TNNT3: variants seen among roughly 807,000 people sequenced by gnomAD.
TNNT3 encodes troponin T, fast skeletal muscle.
In TNNT3, 36 loss-of-function variants were observed where a neutral mutation model predicts 54.2. The observed-to-expected ratio is 0.66, with a 90% CI of 0.51 to 0.88. The LOEUF is 0.88. TNNT3 is among the 40% of genes least tolerant of loss of function. The pLI is 0.00. For synonymous variants in TNNT3, 120 were observed against 109.7 expected, an observed-to-expected ratio of 1.09 and a Z score of -0.59; for missense variants, 291 against 331.6, an observed-to-expected ratio of 0.88 and a Z score of 0.95.
chr11:1,933,810 G>A lies in TNNT3; in HGVS notation c.261G>A (p.Glu87=), dbSNP rs1589984265. The change falls in exon 10 of 16, where the codon GAG becomes GAA. Residue 87 remains glutamate (E), a synonymous_variant. Transcript: ENST00000278317. ...SHFEARKKEE[E]ELVALKERIE... ...TTGAAGCCCGGAAGAAGGAGGAGGA[G>A]GAGCTGGTCGCTCTCAAAGAGAGAA... is the stretch of plus-strand genomic sequence containing the variant. The A allele has an allele frequency of 5.0e-6, 8 of 1,612,870 alleles. No homozygotes were observed. The highest frequency in any genetic ancestry group is 6.8e-6 in the Non-Finnish European group (8 of 1,179,902).
chr11:1,938,213 C>T (rs932074604), intron 15 of TNNT3: 23 of 593,290 alleles, frequency 3.9e-5, no homozygotes, highest in African/African-American at 1.5e-4. Context: ...GAGGGTGCCC[C>T]GGGCTCACGT....
chr11:1,919,959 G>A (rs1849717112), intron 1 of TNNT3, among the ~76,000 whole-genome samples, 197 bp downstream of exon 1: 1 of 152,236 alleles, frequency 6.6e-6, no homozygotes, highest in East Asian at 1.9e-4. Flanking sequence ...AGTCTGGGAT[G>A]CGGACATGGT....
chr11:1,931,460 T>C (rs1411115593), intron 8 of TNNT3, among the ~76,000 whole-genome samples: 2 of 152,256 alleles, frequency 1.3e-5, no homozygotes, highest in Non-Finnish European at 2.9e-5. Context: ...TGCTTTTACA[T>C]TGCAGCCTCT....
rs575821672 is a variant in TNNT3 at position 1,923,456 on chromosome 11, C to T, written c.32-99C>T. 56 of 1,342,460 alleles carry T rather than the reference C, an allele frequency of 4.2e-5. No individual in the cohort carries two copies. In the East Asian group the frequency reaches 1.1e-3, roughly 25 times the overall value. 83.2% of individuals were successfully genotyped at this position (1,342,460 alleles called of 1,614,324 possible). On this transcript the variant is annotated intron_variant, in intron 3 of 15. Transcript: ENST00000278317. Reference sequence around the variant, plus strand: ...GCTCTTGGGCAGGGGCAGTCGCTGGCCTGTCCAGGGCCGGGACACACTGGC... The same window carrying T: ...GCTCTTGGGCAGGGGCAGTCGCTGGTCTGTCCAGGGCCGGGACACACTGGC...
chr11:1,930,077 G>A (rs1165088989), intron 8 of TNNT3, among the ~76,000 whole-genome samples: 1 of 152,232 alleles, frequency 6.6e-6, no homozygotes, highest in East Asian at 1.9e-4. Flanking sequence ...AGGGATGAGG[G>A]TCACCTGGGA....
At chr11:1,929,496 C>T (rs1179162700) in intron 7 of TNNT3, among the ~76,000 whole-genome samples, 1 of 152,238 alleles carries the variant, frequency 6.6e-6, no homozygotes, top group African/African-American at 2.4e-5. Flanking sequence ...CCTCTTTGCT[C>T]CGTCTCCTCC....
chr11:1,937,414 AGC>A (rs1397987241), intron 15 of TNNT3, among the ~76,000 whole-genome samples: 21 of 152,184 alleles, frequency 1.4e-4, no homozygotes, highest in African/African-American at 5.1e-4. Flanking sequence ...CAGGGAATTA[AGC>A]AGTCAGGGCT....
intron 7 of TNNT3, among the ~76,000 whole-genome samples, chr11:1,929,428 G>A (rs1285494770): frequency 2.6e-5 from 4 of 152,080 alleles, no homozygotes; most frequent in Non-Finnish European, 4.4e-5. Context: ...GGCCGGGCAC[G>A]CCCCCCTCCC....
intron 1 of TNNT3, among the ~76,000 whole-genome samples, chr11:1,921,886 G>A (rs1431226432): frequency 6.6e-6 from 1 of 152,226 alleles, no homozygotes; most frequent in Non-Finnish European, 1.5e-5. Flanking sequence ...CGCCCAGTGT[G>A]CACGGTGGCC....
rs1243950466 is a variant in TNNT3 at position 1,929,130 on chromosome 11, G to A, written c.93G>A (p.Glu31=). 2 of 1,613,060 alleles carry A rather than the reference G, an allele frequency of 1.2e-6. No homozygotes were observed. Among genetic ancestry groups the A allele is most frequent in the Non-Finnish European group, 1.7e-6 (2 of 1,179,976 alleles). Residue 31 remains glutamate, a synonymous_variant, in exon 7 of 16, where the codon GAG becomes GAA. Transcript: ENST00000278317. ...EEEEVQEDTA[E]EDAEEEKPRP... ...TTTGCCACCTGGAAGACACCGCAGA[G>A]GAGGACGCGGAAGGTAAGGGCCCGT...
intron 3 of TNNT3, among the ~76,000 whole-genome samples, 199 bp downstream of exon 3, chr11:1,923,260 T>C (rs1021809671): frequency 5.3e-5 from 8 of 152,136 alleles, no homozygotes; most frequent in African/African-American, 1.9e-4. Flanking sequence ...TGTGGCCACA[T>C]GGTCCTGAGG....
At chr11:1,922,917 C>T in intron 2 of TNNT3, 26 bp downstream of exon 2, 1 of 1,613,834 alleles carries the variant, frequency 6.2e-7, no homozygotes, top group Non-Finnish European at 8.5e-7. Flanking sequence ...GTGGCTGCCC[C>T]CTGCCTGGCT....
chr11:1,925,362 G>T, intron 5 of TNNT3: 4 of 1,469,744 alleles, frequency 2.7e-6, no homozygotes, highest in Non-Finnish European at 3.7e-6. Context: ...GGGGGAGAGG[G>T]TGGGGAAGCC....
chr11:1,932,351 TG>T, intron 8 of TNNT3, 117 bp from the exon 9 acceptor site: 6 of 942,218 alleles, frequency 6.4e-6, no homozygotes, highest in Non-Finnish European at 1.0e-5. Flanking sequence ...CATGCTTGGC[TG>T]GGGGCCAGAG....
At chr11:1,929,222 T>C in intron 7 of TNNT3, 79 bp downstream of exon 7, 1 of 1,515,018 alleles carries the variant, frequency 6.6e-7, no homozygotes. Context: ...GGCTGGGGTC[T>C]CTCGCTGCCC....
chr11:1,930,556 C>T (rs999878965), intron 8 of TNNT3, among the ~76,000 whole-genome samples: 6 of 152,098 alleles, frequency 3.9e-5, no homozygotes, highest in Admixed American at 3.3e-4. Flanking sequence ...TGCTTTTGAT[C>T]GGTATTCACC....
chr11:1,922,808 C>G, intron 1 of TNNT3, 49 bp from the exon 2 acceptor site: 4 of 1,573,596 alleles, frequency 2.5e-6, no homozygotes, highest in Non-Finnish European at 3.5e-6. Context: ...CAGCTCGTAA[C>G]TCTCTTTCCA....
At chr11:1,925,431 G>A (rs945736189) in intron 5 of TNNT3, 18 of 794,974 alleles carry the variant, frequency 2.3e-5, no homozygotes, top group South Asian at 1.1e-4. Context: ...CCCACTAACC[G>A]CGGCCAATGC....
At chr11:1,923,355 C>T (rs1259804180) in intron 3 of TNNT3, among the ~76,000 whole-genome samples, 200 bp from the exon 4 acceptor site, 1 of 152,062 alleles carries the variant, frequency 6.6e-6, no homozygotes, top group Non-Finnish European at 1.5e-5. Flanking sequence ...CCCCGAGCCC[C>T]CCAAAAGCCA....
Sources: gnomAD v4.1 joint callset for allele counts (sites outside exome capture counted in the v4.1 genomes callset) on GRCh38, gnomAD v4.1.1 for gene constraint, MANE v1.5 for transcripts, NCBI Gene and HGNC (gene_info 2026-07-23, HGNC 2026-07-21) for gene names.